Variants in CPM observed in about 807,000 individuals in gnomAD.
CPM encodes renal carboxypeptidase.
CPM carries 35 observed loss-of-function variants against 46.4 expected under a neutral mutation model. The observed-to-expected ratio is 0.75, with a 90% CI of 0.58 to 1.00. The LOEUF (loss-of-function observed/expected upper bound fraction) is 1.00. Among genes scored for constraint, CPM ranks in the 50% least tolerant of loss-of-function variants. CPM has a pLI of 0.00. For missense variants in CPM, 422 were observed against 530.4 expected, an observed-to-expected ratio of 0.80 and a Z score of 2.01; for synonymous variants, 195 against 195.3, an observed-to-expected ratio of 1.00 and a Z score of 0.01.
intron 1 of CPM, among the ~76,000 whole-genome samples, chr12:68,939,799 T>G (rs571355626): frequency 2.6e-4 from 40 of 152,304 alleles, no homozygotes; most frequent in Middle Eastern, 6.8e-3. Flanking sequence ...AATGCCTGTT[T>G]GGCTCCTCAT....
intron 3 of CPM, among the ~76,000 whole-genome samples, chr12:68,873,372 G>A (rs574560311): frequency 1.4e-3 from 211 of 152,272 alleles, no homozygotes; most frequent in African/African-American, 4.4e-3. Context: ...CAGAATAATT[G>A]AAATTGGGAC....
chr12:68,939,934 T>C (rs1244100645), intron 1 of CPM, among the ~76,000 whole-genome samples: 4 of 152,114 alleles, frequency 2.6e-5, no homozygotes, highest in Admixed American at 2.6e-4. Flanking sequence ...ACATTTATTG[T>C]TCTTCTTTTA....
chr12:68,922,772 A>T (rs1888089981), intron 2 of CPM, among the ~76,000 whole-genome samples: 1 of 152,204 alleles, frequency 6.6e-6, no homozygotes, highest in South Asian at 2.1e-4. Flanking sequence ...AAACATTTTT[A>T]ATGTGCATTT....
At chr12:68,880,321 C>T (rs1886134902) in intron 3 of CPM, among the ~76,000 whole-genome samples, 1 of 152,106 alleles carries the variant, frequency 6.6e-6, no homozygotes, top group Non-Finnish European at 1.5e-5. Flanking sequence ...GAATAAACAT[C>T]GGTGACAAAG....
At chr12:68,950,163 AAAG>A (rs1888911920) in intron 1 of CPM, among the ~76,000 whole-genome samples, 1 of 152,164 alleles carries the variant, frequency 6.6e-6, no homozygotes, top group African/African-American at 2.4e-5. Context: ...GCATGTTCTA[AAAG>A]AAGGTGAATA....
At chr12:68,926,767 T>C (rs1014320269) in intron 2 of CPM, among the ~76,000 whole-genome samples, 4 of 151,914 alleles carry the variant, frequency 2.6e-5, no homozygotes, top group Non-Finnish European at 5.9e-5. Flanking sequence ...CTGTGTCCAA[T>C]GTGTTCTCAT....
At chr12:68,847,031 G>A (rs542625890), downstream of CPM, 1 of 150,826 alleles carries the variant, frequency 6.6e-6, no homozygotes, top group Admixed American at 6.6e-5. Flanking sequence ...TGTCACCCAG[G>A]CTGGAGTATA....
chr12:68,844,614 C>A (rs1301484423), intron 5 of CPM: 3 of 227,012 alleles, frequency 1.3e-5, no homozygotes, highest in Non-Finnish European at 2.6e-5. Flanking sequence ...AAGCTGGGAA[C>A]CTCTTGATTG....
At chr12:68,860,026 T>A (rs1302589471) in intron 7 of CPM, among the ~76,000 whole-genome samples, 1 of 152,210 alleles carries the variant, frequency 6.6e-6, no homozygotes, top group Non-Finnish European at 1.5e-5. Context: ...AATTATTTAT[T>A]AGGGCAGAAA....
At chr12:68,912,289 G>A (rs1887628515) in intron 2 of CPM, among the ~76,000 whole-genome samples, 1 of 152,184 alleles carries the variant, frequency 6.6e-6, no homozygotes, top group South Asian at 2.1e-4. Context: ...ACAGGTGTGA[G>A]CCACCATGCC....
At chr12:68,876,917 T>A (rs2870825) in intron 3 of CPM, among the ~76,000 whole-genome samples, 9,216 of 50,314 alleles carry the variant, frequency 0.18, 452 homozygotes, top group East Asian at 0.4. Flanking sequence ...TGTGTGTGTG[T>A]GTGAGAGAGA....
rs63640961 is a variant in CPM, at chr12:68,898,027, T to TC, written c.161-12139_161-12138insG. ...CCTGGCTAATTTGTGTATTTTTTTT[T>TC]TTTTTTTGTAGAGATGGGGTTTTGC... is the stretch of plus-strand genomic sequence containing the variant. On this transcript the variant is annotated intron_variant, in intron 2 of 8. Coordinates refer to ENST00000551568, the MANE Select transcript of CPM (RefSeq NM_198320.5). 2.6e-5 allele frequency among the ~76,000 whole-genome samples: 4 copies of TC among 151,614 alleles called. No homozygotes were observed. In the East Asian group the frequency reaches 7.8e-4, roughly 29 times the overall value.
chr12:68,868,839 A>G (rs1454758978), intron 6 of CPM, among the ~76,000 whole-genome samples: 1 of 152,120 alleles, frequency 6.6e-6, no homozygotes, highest in African/African-American at 2.4e-5. Context: ...GCATGACAAT[A>G]ATTAGCTAGA....
rs866848544 is a variant in CPM at position 68,884,072 on chromosome 12, T to C, written c.258+1720A>G. 6.6e-4 allele frequency among the ~76,000 whole-genome samples: 91 copies of C among 138,672 alleles called. No homozygotes were observed. In the Middle Eastern group the frequency reaches 0.016, roughly 24 times the overall value. 91.0% of individuals were successfully genotyped at this position (138,672 alleles called of 152,430 possible). A position where few individuals can be genotyped will look rare whatever the true frequency, so the allele number is the denominator to read the frequency against. On this transcript the variant is annotated intron_variant, in intron 3 of 8. Transcript: ENST00000551568. The stretch of plus-strand genomic sequence containing the variant: ...TTGCAGTGAGCCGAGATCATGCCAT[T>C]GCACTCCAGCCTGGGAGACAAGAGC...
At chr12:68,848,564 T>G (rs959334956), downstream of CPM, 2 of 152,192 alleles carry the variant, frequency 1.3e-5, no homozygotes, top group Non-Finnish European at 2.9e-5. Context: ...AAAGTTGATA[T>G]GGTGTCAGAA....
At chr12:68,956,386 T>A (rs928947703) in intron 1 of CPM, among the ~76,000 whole-genome samples, 2 of 152,126 alleles carry the variant, frequency 1.3e-5, no homozygotes, top group African/African-American at 2.4e-5. Context: ...AGGGATCCCA[T>A]CCCGCCAACT....
upstream of CPM, among the ~76,000 whole-genome samples, chr12:68,936,074 G>A (rs147266229): frequency 6.3e-3 from 962 of 152,210 alleles, 6 homozygotes; most frequent in Non-Finnish European, 9.8e-3. Flanking sequence ...ATGGAGGTAG[G>A]GGGTACAGAG....
intron 1 of CPM, among the ~76,000 whole-genome samples, chr12:68,950,950 A>G (rs1383676852): frequency 2.6e-5 from 4 of 152,250 alleles, no homozygotes; most frequent in Admixed American, 1.3e-4. Context: ...CACCGGGTGC[A>G]GAAGCCATAG....
chr12:68,892,422 G>A (rs1011496037), intron 2 of CPM, among the ~76,000 whole-genome samples: 1 of 152,154 alleles, frequency 6.6e-6, no homozygotes, highest in African/African-American at 2.4e-5. Flanking sequence ...ATCCCAAATT[G>A]CTCTCCATTT....
Sources: gnomAD v4.1 joint callset for allele counts (sites outside exome capture counted in the v4.1 genomes callset) on GRCh38, gnomAD v4.1.1 for gene constraint, MANE v1.5 for transcripts, NCBI Gene and HGNC (gene_info 2026-07-23, HGNC 2026-07-21) for gene names.